WWOX: variants seen among roughly 807,000 people sequenced by gnomAD.
WWOX encodes the protein WW domain containing oxidoreductase, also known as WW domain-containing oxidoreductase.
Under a neutral mutation model 46.2 loss-of-function variants are expected in WWOX, and 69 were observed. The observed-to-expected ratio is 1.49, with a 90% CI of 1.23 to 1.82. WWOX has a LOEUF of 1.82. Ranked by LOEUF, WWOX falls within the 40% of genes most tolerant of loss-of-function variation. The pLI is 0.00. For synonymous variants in WWOX, 359 were observed against 202.6 expected (o/e 1.77, Z -6.56); for missense variants, 919 against 542.6 (o/e 1.69, Z -6.89).
At chr16:78,184,201 C>G (rs933049464) in intron 5 of WWOX, among the ~76,000 whole-genome samples, 1 of 151,966 alleles carries the variant, frequency 6.6e-6, no homozygotes, top group African/African-American at 2.4e-5. Flanking sequence ...CAGGAACTGT[C>G]AGGGTCCCAA....
intron 8 of WWOX, among the ~76,000 whole-genome samples, chr16:79,180,111 C>G (rs1185157712): frequency 2.0e-5 from 3 of 151,982 alleles, no homozygotes; most frequent in South Asian, 4.2e-4. Context: ...AGAATCTTTG[C>G]TATGTTAGAA....
chr16:78,751,461 T>TTATATGTA (rs2049475772), intron 8 of WWOX, among the ~76,000 whole-genome samples: 1 of 128,438 alleles, frequency 7.8e-6, no homozygotes, highest in African/African-American at 3.0e-5. Flanking sequence ...TTATCAGATT[T>TTATATGTA]TATATATATA....
intron 8 of WWOX, among the ~76,000 whole-genome samples, chr16:78,991,362 G>C (rs1003586244): frequency 1.1e-4 from 16 of 152,244 alleles, no homozygotes; most frequent in African/African-American, 3.9e-4. Flanking sequence ...GGGAGGCTGA[G>C]ATGGGAGGAT....
At chr16:78,692,205 A>C (rs2048005224) in intron 8 of WWOX, among the ~76,000 whole-genome samples, 1 of 152,194 alleles carries the variant, frequency 6.6e-6, no homozygotes, top group South Asian at 2.1e-4. Context: ...TTCAACCTGG[A>C]ACTGTCTAAC....
intron 8 of WWOX, among the ~76,000 whole-genome samples, chr16:78,842,562 T>C (rs1028230346): frequency 6.6e-6 from 1 of 152,080 alleles, no homozygotes; most frequent in Admixed American, 6.5e-5. Flanking sequence ...TTGGAAACAG[T>C]GTACATAGAA....
intron 8 of WWOX, among the ~76,000 whole-genome samples, chr16:78,648,212 C>G (rs1567462297): frequency 6.6e-6 from 1 of 152,092 alleles, no homozygotes; most frequent in Non-Finnish European, 1.5e-5. Context: ...CACCTTTTTC[C>G]TCTCTAATTC....
chr16:78,370,298 T>A (rs1448746999), intron 5 of WWOX, among the ~76,000 whole-genome samples: 1 of 152,146 alleles, frequency 6.6e-6, no homozygotes, highest in Non-Finnish European at 1.5e-5. Context: ...ACCACTTACC[T>A]CAGAGAGTTG....
At chr16:78,839,052 G>T (rs1432894162) in intron 8 of WWOX, among the ~76,000 whole-genome samples, 1 of 152,070 alleles carries the variant, frequency 6.6e-6, no homozygotes, top group East Asian at 1.9e-4. Context: ...TATCACCTAT[G>T]GGGGAAACTG....
Position 79,003,558 on chromosome 16 carries a change from T to C in WWOX, c.1057-208050T>C, listed in dbSNP as rs370887195. Among the ~76,000 whole-genome samples the C allele has an allele frequency of 4.3e-4, 66 of 152,304 alleles. No individual in the cohort carries two copies. The East Asian group carries it at 0.012, about 28-fold the overall frequency. ...AGTCTCCTCTTGCAGTGGCTGTTGA[T>C]GGAGGTCATTTAGTGGAATCCAGTT... On this transcript the variant is annotated intron_variant, in intron 8 of 8. Transcript: ENST00000566780.
intron 8 of WWOX, among the ~76,000 whole-genome samples, chr16:78,549,810 TG>T (rs1482251351): frequency 6.6e-6 from 1 of 152,150 alleles, no homozygotes; most frequent in East Asian, 1.9e-4. Context: ...TCCAAATACC[TG>T]TAACAAACAT....
At chr16:78,235,282 C>T (rs2037396811) in intron 5 of WWOX, among the ~76,000 whole-genome samples, 1 of 152,084 alleles carries the variant, frequency 6.6e-6, no homozygotes, top group African/African-American at 2.4e-5. Context: ...TTGATTTGTT[C>T]TGCATGTTCT....
At chr16:79,017,455 A>AAAAAAAAG (rs2047439887) in intron 8 of WWOX, 1 of 149,260 alleles carries the variant, frequency 6.7e-6, no homozygotes, top group Non-Finnish European at 1.5e-5. Flanking sequence ...AAAAAAAAAA[A>AAAAAAAAG]AAAAAAAGAA....
chr16:78,517,650 G>A (rs933491873), intron 8 of WWOX, among the ~76,000 whole-genome samples: 8 of 151,936 alleles, frequency 5.3e-5, no homozygotes, highest in African/African-American at 1.7e-4. Context: ...AGCGCTCCCC[G>A]CAATCCATGT....
intron 5 of WWOX, among the ~76,000 whole-genome samples, chr16:78,331,125 C>T (rs2080746314): frequency 6.6e-6 from 1 of 152,060 alleles, no homozygotes; most frequent in Non-Finnish European, 1.5e-5. Context: ...CACCTACGGT[C>T]CCTGAATATG....
chr16:78,103,786 A>G (rs1348756969), intron 1 of WWOX, among the ~76,000 whole-genome samples: 2 of 151,992 alleles, frequency 1.3e-5, no homozygotes, highest in East Asian at 1.9e-4. Flanking sequence ...TAGCAGGGCC[A>G]TGGCCAGGGA....
intron 8 of WWOX, among the ~76,000 whole-genome samples, chr16:78,995,553 C>T (rs955198789): frequency 1.3e-5 from 2 of 151,474 alleles, no homozygotes; most frequent in African/African-American, 4.9e-5. Flanking sequence ...ATATGGTTGC[C>T]ACTGTCTTTA....
intron 8 of WWOX, among the ~76,000 whole-genome samples, chr16:78,841,862 G>A (rs2052160031): frequency 6.6e-6 from 1 of 152,134 alleles, no homozygotes; most frequent in African/African-American, 2.4e-5. Flanking sequence ...CAGGACCTTG[G>A]TAAGGGGTTA....
At chr16:78,761,012 G>T (rs1295484084) in intron 8 of WWOX, among the ~76,000 whole-genome samples, 1 of 152,064 alleles carries the variant, frequency 6.6e-6, no homozygotes, top group African/African-American at 2.4e-5. Flanking sequence ...GCACAGGAAA[G>T]ACCCTCCCCC....
At chr16:78,681,952 A>G (rs985361061) in intron 8 of WWOX, among the ~76,000 whole-genome samples, 5 of 152,148 alleles carry the variant, frequency 3.3e-5, no homozygotes, top group African/African-American at 1.2e-4. Context: ...TTTTCTAGCA[A>G]GCGCCCAGAT....
Sources: gnomAD v4.1 joint callset for allele counts (sites outside exome capture counted in the v4.1 genomes callset) on GRCh38, gnomAD v4.1.1 for gene constraint, MANE v1.5 for transcripts, NCBI Gene and HGNC (gene_info 2026-07-23, HGNC 2026-07-21) for gene names.